Variants in HR observed in about 807,000 individuals in gnomAD.
HR encodes HR lysine demethylase and nuclear receptor corepressor.
HR carries 83 observed loss-of-function variants against 128.6 expected under a neutral mutation model. The ratio of observed to expected loss-of-function variants is 0.65; its 90% CI spans 0.54 to 0.77. The LOEUF (loss-of-function observed/expected upper bound fraction) is 0.77. HR is among the 30% of genes least tolerant of loss of function. HR has a pLI of 0.00. For missense variants in HR, 1,490 were observed against 1,574.6 expected (o/e 0.95, Z 0.91); for synonymous variants, 681 against 658.2 (o/e 1.03, Z -0.53).
intron 3 of HR, among the ~76,000 whole-genome samples, chr8:22,125,944 T>C (rs1227887370): frequency 6.6e-6 from 1 of 152,160 alleles, no homozygotes; most frequent in Non-Finnish European, 1.5e-5. Flanking sequence ...TGCCGTGACA[T>C]GGACCGGCAG....
intron 5 of HR, among the ~76,000 whole-genome samples, chr8:22,124,543 C>T (rs1400211773): frequency 1.3e-5 from 2 of 152,244 alleles, no homozygotes; most frequent in African/African-American, 4.8e-5. Context: ...TCGCAGTGCA[C>T]ACATTCCAGG....
Position 22,116,524 on chromosome 8 carries a change from C to T in HR, c.3379-96G>A, listed in dbSNP as rs533940079. The T allele has an allele frequency of 2.9e-6, 4 of 1,385,324 alleles. No homozygotes were observed. Among genetic ancestry groups the T allele is most frequent in the Non-Finnish European group, 3.9e-6 (4 of 1,027,742 alleles). The allele number at this position is 1,385,324 out of a possible 1,614,324, so 85.8% of individuals were successfully genotyped here. A position where few individuals can be genotyped will look rare whatever the true frequency, so the allele number is the denominator to read the frequency against. ...GTTCGCTTCCTCTAATGACAACCAC[C>T]CCCGACCCCTGGCTCTCAGAGAGCA... On this transcript the variant is annotated intron_variant, in intron 17 of 18. Coordinates refer to ENST00000381418, the MANE Select transcript of HR (RefSeq NM_005144.5). This position sits in a 1 kb window ranked among gnomAD's most constrained non-coding sequence, Gnocchi z 4.2.
chr8:22,123,619 C>CCCCA, intron 6 of HR, 30 bp downstream of exon 6: 1 of 229,356 alleles, frequency 4.4e-6, no homozygotes, highest in Non-Finnish European at 8.6e-6. Flanking sequence ...GGGCTCCATC[C>CCCCA]CGCCCTCCCA....
intron 1 of HR, among the ~76,000 whole-genome samples, chr8:22,129,502 T>G (rs1439161436): frequency 6.6e-6 from 1 of 152,174 alleles, no homozygotes; most frequent in Non-Finnish European, 1.5e-5. Flanking sequence ...AGGAATCTGC[T>G]CACGACCCAT....
chr8:22,128,557 A>T lies in HR; in HGVS notation c.612+2T>A. On this transcript the variant is annotated splice_donor_variant, in intron 2 of 18. Coordinates refer to ENST00000381418, the MANE Select transcript of HR (RefSeq NM_005144.5). LOFTEE classifies it high-confidence loss of function. ...AGGTACCCTCTCTGCCCCTGCACTCACCTTGCTGCCTAAGCTGAAGGCAGA... is the reference window on the plus strand; with the variant it reads ...AGGTACCCTCTCTGCCCCTGCACTCTCCTTGCTGCCTAAGCTGAAGGCAGA... 6.2e-7 allele frequency: 1 copy of T among 1,611,500 alleles called. No individual in the cohort carries two copies. The highest frequency in any genetic ancestry group is 8.5e-7 in the Non-Finnish European group (1 of 1,179,508).
At position 22,120,935 on chromosome 8, in the gene HR, C is replaced by T; in HGVS notation, c.2391G>A (p.Leu797=). Residue 797 remains leucine, a synonymous_variant, in exon 11 of 19, where the codon CTG becomes CTA. Transcript: ENST00000381418. ...CCACCACCTGTGCGATAATGCTGTC[C>T]AGGATGTTGGTGATGCGGTCATCCT... ...LPSDDRITNI[L]DSIIAQVVER... 1 of 1,582,602 alleles carries T rather than the reference C, an allele frequency of 6.3e-7. No homozygotes were observed. Among genetic ancestry groups the T allele is most frequent in the Non-Finnish European group, 8.6e-7 (1 of 1,164,078 alleles).
chr8:22,124,975 G>A lies in HR; in HGVS notation c.1750+336C>T, dbSNP rs183523745. On this transcript the variant is annotated intron_variant, in intron 5 of 18. Coordinates refer to ENST00000381418, the MANE Select transcript of HR (RefSeq NM_005144.5). ...CTCTCTGTGCTGCGGAAGGGCGACC[G>A]AAGGGAGCACCTGCAGCCAGAGGGG... Among the ~76,000 whole-genome samples, 213 of 152,262 alleles carry A rather than the reference G, an allele frequency of 1.4e-3. 1 individual carries two copies. Among genetic ancestry groups the A allele is most frequent in the African/African-American group, 4.8e-3 (198 of 41,550 alleles).
intron 14 of HR, 42 bp downstream of exon 14, chr8:22,119,718 G>A: frequency 1.3e-6 from 2 of 1,576,574 alleles, no homozygotes; most frequent in South Asian, 1.2e-5. Flanking sequence ...CAGGCAGACA[G>A]GCATGGGAGT....
At chr8:22,117,158 G>A (rs1310290897) in intron 16 of HR, 119 bp from the exon 17 acceptor site, 5 of 1,075,688 alleles carry the variant, frequency 4.6e-6, no homozygotes, top group African/African-American at 3.2e-5. Context: ...GTCAAGTCTT[G>A]AAGGGCAGGC....
In HR at chr8:22,116,214, G is replaced by T; in HGVS notation, c.3507+86C>A. The T allele has an allele frequency of 1.3e-6, 2 of 1,584,204 alleles. No individual in the cohort carries two copies. Among genetic ancestry groups the T allele is most frequent in the South Asian group, 1.1e-5 (1 of 89,906 alleles). ...TGGCTGCCTGCTTGGCACAGGGTGG[G>T]ATCTGCTATGTCCACTGCAGCTGTG... On this transcript the variant is annotated intron_variant, in intron 18 of 18. Coordinates refer to ENST00000381418, the MANE Select transcript of HR (RefSeq NM_005144.5). This position sits in a 1 kb window ranked among gnomAD's most constrained non-coding sequence, Gnocchi z 4.2.
Position 22,115,684 on chromosome 8 carries a change from G to C in HR, c.*16C>G, listed in dbSNP as rs773818829. 1 of 1,613,038 alleles carries C rather than the reference G, an allele frequency of 6.2e-7. No individual in the cohort carries two copies. Among genetic ancestry groups the C allele is most frequent in the Non-Finnish European group, 8.5e-7 (1 of 1,179,202 alleles). On this transcript the variant is annotated 3_prime_UTR_variant, in exon 19 of 19. Transcript: ENST00000381418. The stretch of plus-strand genomic sequence containing the variant: ...TCTACCTGTCCCCACCCCGATCCCA[G>C]ACACCTAGCATCCCTCTATTTGGCC...
At chr8:22,126,959 A>G in intron 3 of HR, 78 bp downstream of exon 3, 2 of 1,441,672 alleles carry the variant, frequency 1.4e-6, no homozygotes, top group East Asian at 2.3e-5. Context: ...TAAAGCCTAC[A>G]GACCCCGCCC....
Position 22,128,574 on chromosome 8 carries a change from G to A in HR, c.597C>T (p.Phe199=), listed in dbSNP as rs144336528. The A allele has an allele frequency of 5.8e-5, 94 of 1,611,280 alleles. 1 individual carries two copies. The African/African-American group carries it at 1.1e-3, about 19-fold the overall frequency. The part of the protein sequence containing the change: ...SGGQPKVPSA[F]SLGSKGFYYK... ...CTGCACTCACCTTGCTGCCTAAGCT[G>A]AAGGCAGAGGGCACTTTGGGCTGGC... The change falls in exon 2 of 19, where the codon TTC becomes TTT. Residue 199 remains phenylalanine, a synonymous_variant. Transcript: ENST00000381418.
intron 6 of HR, 134 bp downstream of exon 6, chr8:22,123,515 C>T: frequency 1.2e-6 from 1 of 837,760 alleles, no homozygotes; most frequent in Non-Finnish European, 1.9e-6. Context: ...GGCATTGAGC[C>T]ATGGTGGCTG....
rs1826565086 is a variant in HR at position 22,115,601 on chromosome 8, A to G, written c.*99T>C. The G allele has an allele frequency of 2.6e-5, 28 of 1,057,010 alleles. No individual in the cohort carries two copies. In the South Asian group the frequency reaches 3.5e-4, roughly 13 times the overall value. 65.5% of individuals were successfully genotyped at this position (1,057,010 alleles called of 1,614,324 possible). ...GTGGTGCTTGTGGGGTTGACCAGAAATCCCCAAGTCCCCTAGCGCCATCCC... is the reference window on the plus strand; with the variant it reads ...GTGGTGCTTGTGGGGTTGACCAGAAGTCCCCAAGTCCCCTAGCGCCATCCC... On this transcript the variant is annotated 3_prime_UTR_variant, in exon 19 of 19. Transcript: ENST00000381418.
rs1230490349 is a variant in HR, at chr8:22,129,077, G to A, written c.94C>T (p.Pro32Ser). ...GGCCCATGGTGCAGTCCATCTCGAG[G>A]CGGGCTGCCGGGCTCCTGTCTCACG... Reference protein sequence around the residue: ...GIVRQEPGSPPRDGLHHGPLC... With the variant: ...GIVRQEPGSPSRDGLHHGPLC... Residue 32 changes from proline to serine, a missense_variant, in exon 2 of 19, where the codon CCT becomes TCT. Transcript: ENST00000381418. The A allele has an allele frequency of 1.3e-6, 2 of 1,577,610 alleles. No homozygotes were observed. Among genetic ancestry groups the A allele is most frequent in the Admixed American group, 1.8e-5 (1 of 54,992 alleles).
chr8:22,120,232 G>A (rs1397674482), intron 12 of HR, 59 bp from the exon 13 acceptor site: 57 of 1,600,798 alleles, frequency 3.6e-5, no homozygotes, highest in South Asian at 3.3e-4. Context: ...CTGCCCCGGC[G>A]GCAGCAACAC....
At position 22,120,951 on chromosome 8, in the gene HR, C is replaced by A. The variant is rs769480349; in HGVS notation, c.2375G>T (p.Arg792Leu). 1.3e-6 allele frequency: 2 copies of A among 1,591,950 alleles called. No individual in the cohort carries two copies. Among genetic ancestry groups the A allele is most frequent in the Non-Finnish European group, 1.7e-6 (2 of 1,169,186 alleles). ...PVTPALPSDD[R>L]ITNILDSIIA... ...AATGCTGTCCAGGATGTTGGTGATG[C>A]GGTCATCCTGCAGAGAGGGGCACAG... The change falls in exon 11 of 19, where the codon CGC (arginine) becomes CTC (leucine). Residue 792 changes from arginine (R) to leucine (L), a missense_variant. Coordinates refer to ENST00000381418, the MANE Select transcript of HR (RefSeq NM_005144.5).
chr8:22,124,596 C>G (rs367694474), intron 5 of HR, among the ~76,000 whole-genome samples: 2 of 152,232 alleles, frequency 1.3e-5, no homozygotes, highest in South Asian at 4.1e-4. Context: ...TGTGGCACCA[C>G]GAGGCGGGTG....
Sources: gnomAD v4.1 joint callset for allele counts (sites outside exome capture counted in the v4.1 genomes callset) on GRCh38, gnomAD v4.1.1 for gene constraint, Gnocchi (gnomAD v3.1) non-coding constraint, MANE v1.5 for transcripts, NCBI Gene and HGNC (gene_info 2026-07-23, HGNC 2026-07-21) for gene names.